Variants in C8B observed in about 807,000 individuals in gnomAD.
C8B encodes complement component C8 beta chain.
In C8B, 67 loss-of-function variants were observed where a neutral mutation model predicts 64.6. The observed-to-expected ratio is 1.04, with a 90% confidence interval of 0.85 to 1.27. C8B has a LOEUF of 1.27. Ranked by LOEUF, C8B falls within the 50% of genes most tolerant of loss-of-function variation. The pLI, the probability that C8B is intolerant of heterozygous loss-of-function variation, is 0.00. For synonymous variants in C8B, 284 were observed against 257.7 expected (o/e 1.10, Z -0.98); for missense variants, 790 against 725.2 (o/e 1.09, Z -1.03).
At chr1:56,958,220 T>C (rs1645129282) in intron 2 of C8B, among the ~76,000 whole-genome samples, 1 of 152,062 alleles carries the variant, frequency 6.6e-6, no homozygotes. Context: ...AGGAAGAAAG[T>C]GATCAGATTT....
chr1:56,930,309 G>A (rs1297938675), intron 11 of C8B, among the ~76,000 whole-genome samples: 1 of 152,186 alleles, frequency 6.6e-6, no homozygotes, highest in African/African-American at 2.4e-5. Flanking sequence ...GATTGTTGGT[G>A]AGATTGGCAA....
rs1322538884 is a variant in C8B at position 56,964,044 on chromosome 1, A to G, written c.92+1813T>C. On this transcript the variant is annotated intron_variant, in intron 1 of 11. Transcript: ENST00000371237. ...GGGATTATAGGTGGATGTCAGAACT[A>G]TACCCAGATTCAGGTAAGGGTTTGA... The G allele has an allele frequency of 3.1e-6, 3 of 983,302 alleles. No individual in the cohort carries two copies. In the African/African-American group the frequency reaches 5.2e-5, roughly 17 times the overall value. 60.9% of individuals were successfully genotyped at this position (983,302 alleles called of 1,614,324 possible).
At position 56,932,259 on chromosome 1, in the gene C8B, C is replaced by A. The variant is rs192670868; in HGVS notation, c.1553-381G>T. On this transcript the variant is annotated intron_variant, in intron 10 of 11. Transcript: ENST00000371237. Reference sequence around the variant, plus strand: ...ACTTGAATACCTCGAGGATGGGGAACTCATTACTCTTAGATGTCTCATCTG... The same window carrying A: ...ACTTGAATACCTCGAGGATGGGGAAATCATTACTCTTAGATGTCTCATCTG... Among the ~76,000 whole-genome samples, 633 of 152,310 alleles carry A rather than the reference C, an allele frequency of 4.2e-3. 6 individuals carry two copies. Among genetic ancestry groups the A allele is most frequent in the Non-Finnish European group, 6.4e-3 (436 of 68,028 alleles).
chr1:56,941,229 GAA>G (rs1358081200), intron 8 of C8B, among the ~76,000 whole-genome samples: 1 of 152,122 alleles, frequency 6.6e-6, no homozygotes, highest in Non-Finnish European at 1.5e-5. Context: ...GGCAGGACAA[GAA>G]AAAGACATTT....
At chr1:56,936,419 C>A (rs981114130) in intron 9 of C8B, among the ~76,000 whole-genome samples, 4 of 151,394 alleles carry the variant, frequency 2.6e-5, no homozygotes, top group Non-Finnish European at 4.4e-5. Context: ...CATTTTGCAT[C>A]TTTATAAACC....
chr1:56,949,666 C>CT lies in C8B; in HGVS notation c.752dup (p.Ser252ValfsTer8), dbSNP rs772620831. 2 of 1,614,000 alleles carry CT rather than the reference C, an allele frequency of 1.2e-6. No individual in the cohort carries two copies. Among genetic ancestry groups the CT allele is most frequent in the South Asian group, 2.2e-5 (2 of 91,070 alleles). On this transcript the variant is annotated frameshift_variant, in exon 6 of 12. Transcript: ENST00000371237. LOFTEE classifies it high-confidence loss of function. ...TTTTAAAACCAAAACTGAAACCAGACTTGCTTGCCATTTTCTCTGTGACAT... is the reference window on the plus strand; with the variant it reads ...TTTTAAAACCAAAACTGAAACCAGACTTTGCTTGCCATTTTCTCTGTGACAT...
intron 9 of C8B, among the ~76,000 whole-genome samples, chr1:56,939,935 T>C (rs1471127910): frequency 6.6e-6 from 1 of 152,142 alleles, no homozygotes; most frequent in Admixed American, 6.5e-5. Flanking sequence ...GATGAAGAAA[T>C]ATTTCTAAAG....
At chr1:56,946,836 C>T (rs185090637) in intron 6 of C8B, among the ~76,000 whole-genome samples, 5 of 152,294 alleles carry the variant, frequency 3.3e-5, no homozygotes, top group Admixed American at 6.5e-5. Context: ...AGGTGGCAAA[C>T]GCCTGTGAGA....
At chr1:56,952,657 T>G (rs1268233259) in intron 4 of C8B, among the ~76,000 whole-genome samples, 1 of 152,190 alleles carries the variant, frequency 6.6e-6, no homozygotes, top group South Asian at 2.1e-4. Flanking sequence ...GGTAGCATAA[T>G]AGATAAGTGC....
intron 10 of C8B, among the ~76,000 whole-genome samples, chr1:56,932,784 C>T (rs1036020442): frequency 7.2e-5 from 11 of 152,152 alleles, no homozygotes; most frequent in African/African-American, 2.4e-4. Context: ...GCCTTGACTC[C>T]TGCTGGTTCC....
chr1:56,960,296 A>G, intron 1 of C8B, 120 bp from the exon 2 acceptor site: 1 of 892,418 alleles, frequency 1.1e-6, no homozygotes, highest in Non-Finnish European at 1.8e-6. Context: ...CTATTAGTTT[A>G]TCATTCCAGG....
rs1393384921 is a variant in C8B, at chr1:56,960,731, TG to T, written c.93-556del. Among the ~76,000 whole-genome samples, 7 of 152,134 alleles carry T rather than the reference TG, an allele frequency of 4.6e-5. No homozygotes were observed. The East Asian group carries it at 1.3e-3, about 29-fold the overall frequency. Reference sequence around the variant, plus strand: ...CTCATGTGGAATGGATAGAAAGTGATGGTGGATGGTGGAGGTGGGGTGCTAA... The same window carrying T: ...CTCATGTGGAATGGATAGAAAGTGATGTGGATGGTGGAGGTGGGGTGCTAA... On this transcript the variant is annotated intron_variant, in intron 1 of 11. Coordinates refer to ENST00000371237, the MANE Select transcript of C8B (RefSeq NM_000066.4).
chr1:56,929,239 T>A lies in C8B; in HGVS notation c.*165A>T, dbSNP rs545302209. 2.8e-6 allele frequency: 2 copies of A among 713,926 alleles called. No individual in the cohort carries two copies. Among genetic ancestry groups the A allele is most frequent in the South Asian group, 3.2e-5 (2 of 62,402 alleles). The allele number at this position is 713,926 out of a possible 1,614,324, so 44.2% of individuals were successfully genotyped here. A position where few individuals can be genotyped will look rare whatever the true frequency, so the allele number is the denominator to read the frequency against. On this transcript the variant is annotated 3_prime_UTR_variant, in exon 12 of 12. Transcript: ENST00000371237. ...GCCTTTAACTCAGTATTTATTTAAA[T>A]CAACTTGCATTTTACAAGGTAACAT...
intron 4 of C8B, among the ~76,000 whole-genome samples, chr1:56,953,877 T>G (rs1409229444): frequency 6.6e-6 from 1 of 152,180 alleles, no homozygotes; most frequent in Non-Finnish European, 1.5e-5. Flanking sequence ...TTTCCTTATC[T>G]GCAAGGTGGG....
At chr1:56,941,824 G>A (rs765566961) in intron 8 of C8B, among the ~76,000 whole-genome samples, 77 of 152,334 alleles carry the variant, frequency 5.1e-4, no homozygotes, top group Non-Finnish European at 9.8e-4. Context: ...ACTGGCTCCT[G>A]CAGGTAAAGT....
intron 4 of C8B, 62 bp from the exon 5 acceptor site, chr1:56,952,242 T>C (rs2101435413): frequency 1.2e-6 from 2 of 1,607,796 alleles, no homozygotes; most frequent in East Asian, 2.2e-5. Context: ...ATCTTGACTG[T>C]CAGACCCTAC....
In C8B at chr1:56,960,856, G is replaced by A. The variant is rs369660210; in HGVS notation, c.93-680C>T. On this transcript the variant is annotated intron_variant, in intron 1 of 11. Coordinates refer to ENST00000371237, the MANE Select transcript of C8B (RefSeq NM_000066.4). ...TCTTGATGGGGAAGACTTGAGTTTC[G>A]GGTGGGGCATGCTGAGTTCCAGGTG... Among the ~76,000 whole-genome samples the A allele has an allele frequency of 7.0e-4, 107 of 152,004 alleles. 2 individuals carry two copies. The South Asian group carries it at 0.02, about 29-fold the overall frequency.
rs1295371780 is a variant in C8B, at chr1:56,933,468, T to C, written c.1419A>G (p.Leu473=). The C allele has an allele frequency of 6.2e-7, 1 of 1,613,868 alleles. No individual in the cohort carries two copies. Among genetic ancestry groups the C allele is most frequent in the Non-Finnish European group, 8.5e-7 (1 of 1,179,776 alleles). Residue 473 remains leucine, a synonymous_variant, in exon 10 of 12, where the codon CTA becomes CTG. Coordinates refer to ENST00000371237, the MANE Select transcript of C8B (RefSeq NM_000066.4). The part of the protein sequence containing the change: ...IKVKVEPLYE[L]VTATDFAYSS... ...AATAGGCAAAATCTGTGGCTGTCAC[T>C]AGTTCATACAGAGGCTCCACCTGGA...
chr1:56,961,953 C>T (rs1043606642), intron 1 of C8B, among the ~76,000 whole-genome samples: 6 of 152,078 alleles, frequency 3.9e-5, no homozygotes, highest in Non-Finnish European at 7.4e-5. Flanking sequence ...ACTAATTTGC[C>T]CAGGTTTGAC....
Sources: allele counts gnomAD v4.1 joint callset (sites outside exome capture counted in the v4.1 genomes callset), GRCh38; gene constraint gnomAD v4.1.1; transcripts MANE v1.5; gene names NCBI Gene and HGNC (gene_info 2026-07-23, HGNC 2026-07-21).